The following TCF4 variants were observed in gnomAD, a reference collection of about 807,000 sequenced individuals.
The protein encoded by TCF4 is transcription factor 4, also known as SL3-3 enhancer factor 2.
Under a neutral mutation model 82.1 loss-of-function variants are expected in TCF4, and 3 were observed. The ratio of observed to expected loss-of-function variants is 0.04; its 90% CI spans 0.02 to 0.09. The LOEUF is 0.09. Among genes scored for constraint, TCF4 ranks in the 10% least tolerant of loss-of-function variants. The pLI is 1.00. For missense variants in TCF4, 518 were observed against 852.7 expected, an observed-to-expected ratio of 0.61 and a Z score of 4.89; for synonymous variants, 276 against 309.6, an observed-to-expected ratio of 0.89 and a Z score of 1.14.
chr18:55,364,067 A>G (rs1450868459), intron 6 of TCF4, among the ~76,000 whole-genome samples: 1 of 152,222 alleles, frequency 6.6e-6, no homozygotes, highest in African/African-American at 2.4e-5. Flanking sequence ...TTCAACTGCC[A>G]GTGAGGAAGT....
rs1163623824 is a variant in TCF4, at chr18:55,232,575, G to A, written c.1583C>T (p.Ser528Phe). Residue 528 changes from serine to phenylalanine, a missense_variant, in exon 17 of 20, where the codon TCT becomes TTT. Coordinates refer to ENST00000354452, the MANE Select transcript of TCF4 (RefSeq NM_001083962.2). ...EGDENLQDTK[S>F]SEDKKLDDDK... ...GTCATCTAATTTCTTGTCCTCCGAA[G>A]ATTTCGTGTCTTGCAGGTTCTCATC... is the stretch of plus-strand genomic sequence containing the variant. The A allele has an allele frequency of 6.2e-7, 1 of 1,614,134 alleles. No individual in the cohort carries two copies. Among genetic ancestry groups the A allele is most frequent in the African/African-American group, 1.3e-5 (1 of 75,034 alleles).
chr18:55,430,834 T>C (rs1043200367), intron 5 of TCF4, among the ~76,000 whole-genome samples: 1 of 152,188 alleles, frequency 6.6e-6, no homozygotes, highest in Non-Finnish European at 1.5e-5. Context: ...TGCTGGAATA[T>C]ATCATACTGA....
intron 8 of TCF4, among the ~76,000 whole-genome samples, chr18:55,324,297 A>G (rs1266569950): frequency 6.6e-6 from 1 of 152,240 alleles, no homozygotes; most frequent in Non-Finnish European, 1.5e-5. Flanking sequence ...CACTGAACGT[A>G]TTATCATCCA....
intron 3 of TCF4, among the ~76,000 whole-genome samples, chr18:55,539,289 T>C (rs1336582495): frequency 6.6e-6 from 1 of 152,152 alleles, no homozygotes; most frequent in East Asian, 1.9e-4. Context: ...CTTATGTCAC[T>C]GATTCAGGGA....
At chr18:55,246,582 T>C (rs2053274494) in intron 15 of TCF4, among the ~76,000 whole-genome samples, 1 of 152,210 alleles carries the variant, frequency 6.6e-6, no homozygotes, top group Admixed American at 6.5e-5. Context: ...CTTCTATTGC[T>C]GTTTTCAAAA....
At chr18:55,511,503 C>A (rs866511028) in intron 3 of TCF4, among the ~76,000 whole-genome samples, 12 of 152,000 alleles carry the variant, frequency 7.9e-5, no homozygotes, top group Non-Finnish European at 1.3e-4. Flanking sequence ...AAAATGGCAA[C>A]TTTTATTTTA....
intron 3 of TCF4, among the ~76,000 whole-genome samples, chr18:55,565,169 A>C (rs1027101953): frequency 6.6e-6 from 1 of 152,172 alleles, no homozygotes; most frequent in African/African-American, 2.4e-5. Flanking sequence ...TAATCTTAGC[A>C]CAACTAGTTT....
At chr18:55,374,686 G>A (rs1326252929) in intron 6 of TCF4, among the ~76,000 whole-genome samples, 1 of 151,824 alleles carries the variant, frequency 6.6e-6, no homozygotes, top group Non-Finnish European at 1.5e-5. Context: ...AGATGGCTAA[G>A]TCCAGGAGTT....
At chr18:55,541,172 T>C (rs1056194411) in intron 3 of TCF4, among the ~76,000 whole-genome samples, 5 of 152,018 alleles carry the variant, frequency 3.3e-5, no homozygotes, top group Admixed American at 3.3e-4. Flanking sequence ...GATTTCATTA[T>C]ACACATTATT....
chr18:55,464,736 A>T (rs2095970392), intron 3 of TCF4, among the ~76,000 whole-genome samples: 1 of 151,982 alleles, frequency 6.6e-6, no homozygotes, highest in South Asian at 2.1e-4. Flanking sequence ...TTTTTTTTTA[A>T]ACTAGACATA....
At chr18:55,576,211 G>C (rs1568440328) in intron 3 of TCF4, among the ~76,000 whole-genome samples, 1 of 152,092 alleles carries the variant, frequency 6.6e-6, no homozygotes, top group Non-Finnish European at 1.5e-5. Flanking sequence ...AAAGAACCTA[G>C]ATTTCCAGAA....
chr18:55,319,988 C>T (rs554027678), intron 8 of TCF4, among the ~76,000 whole-genome samples: 3 of 152,110 alleles, frequency 2.0e-5, no homozygotes, highest in African/African-American at 4.8e-5. Context: ...TCTTTCATTA[C>T]GGATAAGGGC....
At chr18:55,518,127 T>C (rs1237567819) in intron 3 of TCF4, among the ~76,000 whole-genome samples, 1 of 152,162 alleles carries the variant, frequency 6.6e-6, no homozygotes, top group African/African-American at 2.4e-5. Flanking sequence ...ATCTTGAAAC[T>C]AGCTGTGGTC....
chr18:55,534,839 C>T (rs1177496296), intron 3 of TCF4, among the ~76,000 whole-genome samples: 2 of 152,136 alleles, frequency 1.3e-5, no homozygotes, highest in Admixed American at 6.5e-5. Context: ...AAAAATATCA[C>T]GATGTAACTT....
chr18:55,490,547 T>C (rs1209253438), intron 3 of TCF4, among the ~76,000 whole-genome samples: 1 of 152,064 alleles, frequency 6.6e-6, no homozygotes, highest in Non-Finnish European at 1.5e-5. Context: ...GTGTTTATTA[T>C]CAACAACTGC....
intron 3 of TCF4, among the ~76,000 whole-genome samples, chr18:55,540,804 T>G (rs2097158985): frequency 6.6e-6 from 1 of 152,080 alleles, no homozygotes; most frequent in African/African-American, 2.4e-5. Context: ...ATTTCAGGAT[T>G]TCGTCTTTAT....
intron 3 of TCF4, among the ~76,000 whole-genome samples, chr18:55,548,095 T>G (rs2147085563): frequency 6.6e-6 from 1 of 152,328 alleles, no homozygotes; most frequent in African/African-American, 2.4e-5. Flanking sequence ...TATGTAAAAT[T>G]TAGGTTAAGA....
At chr18:55,315,936 CCTTT>C (rs1164281476) in intron 8 of TCF4, among the ~76,000 whole-genome samples, 2 of 151,800 alleles carry the variant, frequency 1.3e-5, no homozygotes, top group African/African-American at 2.4e-5. Context: ...TACAGATATC[CCTTT>C]TTTTTAAGTA....
chr18:55,376,018 C>CA, intron 6 of TCF4, among the ~76,000 whole-genome samples: 1 of 122,750 alleles, frequency 8.1e-6, no homozygotes. Flanking sequence ...TTTTCTTCTC[C>CA]TTTTTTTTTT....
Sources: allele counts gnomAD v4.1 joint callset (sites outside exome capture counted in the v4.1 genomes callset), GRCh38; gene constraint gnomAD v4.1.1; transcripts MANE v1.5; gene names NCBI Gene and HGNC (gene_info 2026-07-23, HGNC 2026-07-21).